Variants in ROBO2 observed in about 807,000 individuals in gnomAD.
ROBO2 encodes roundabout homolog 2.
Under a neutral mutation model 160.8 loss-of-function variants are expected in ROBO2, and 53 were observed. The ratio of observed to expected loss-of-function variants is 0.33; its 90% CI spans 0.26 to 0.41. ROBO2 has a LOEUF of 0.41. Among genes scored for constraint, ROBO2 ranks in the 10% least tolerant of loss-of-function variants. The pLI, the probability that ROBO2 is intolerant of heterozygous loss-of-function variation, is 1.00. For missense variants in ROBO2, 1,577 were observed against 1,722.4 expected (o/e 0.92, Z 1.49); for synonymous variants, 664 against 611.7 (o/e 1.09, Z -1.26).
chr3:76,636,114 T>A (rs1036001565), intron 2 of ROBO2, among the ~76,000 whole-genome samples: 4 of 152,236 alleles, frequency 2.6e-5, no homozygotes, highest in Non-Finnish European at 2.9e-5. Context: ...ATAATGATTA[T>A]ACATAATATT....
At chr3:77,190,271 G>A (rs1014628035) in intron 2 of ROBO2, among the ~76,000 whole-genome samples, 1 of 151,954 alleles carries the variant, frequency 6.6e-6, no homozygotes, top group Non-Finnish European at 1.5e-5. Flanking sequence ...AAAGTTACTA[G>A]AAAATTCTAG....
At chr3:76,707,067 C>CTG (rs1448730930) in intron 2 of ROBO2, among the ~76,000 whole-genome samples, 1 of 151,626 alleles carries the variant, frequency 6.6e-6, no homozygotes, top group Non-Finnish European at 1.5e-5. Context: ...TACATATTTT[C>CTG]TGTGTGTGTA....
chr3:76,125,971 C>T (rs374788806), intron 2 of ROBO2, among the ~76,000 whole-genome samples: 95 of 152,102 alleles, frequency 6.2e-4, no homozygotes, highest in African/African-American at 2.2e-3. Flanking sequence ...GGATGACAGG[C>T]GCGTGCCACC....
intron 2 of ROBO2, among the ~76,000 whole-genome samples, chr3:76,113,540 A>G (rs2070332863): frequency 6.6e-6 from 1 of 152,078 alleles, no homozygotes. Context: ...ATGTCATACA[A>G]TCGAACTTAA....
intron 2 of ROBO2, among the ~76,000 whole-genome samples, chr3:76,161,313 A>T (rs2072626586): frequency 6.6e-6 from 1 of 152,130 alleles, no homozygotes; most frequent in Non-Finnish European, 1.5e-5. Flanking sequence ...AATGTCCTTA[A>T]TGTGTTTATT....
chr3:77,002,915 T>C (rs2061401640), intron 2 of ROBO2, among the ~76,000 whole-genome samples: 1 of 152,272 alleles, frequency 6.6e-6, no homozygotes, highest in East Asian at 1.9e-4. Flanking sequence ...CATCAAAGCA[T>C]TCTGATGACT....
At chr3:76,373,524 G>A (rs987477594) in intron 2 of ROBO2, among the ~76,000 whole-genome samples, 4 of 151,892 alleles carry the variant, frequency 2.6e-5, no homozygotes, top group Admixed American at 6.6e-5. Context: ...ATCATAGTAC[G>A]TATTGTATTG....
At chr3:77,294,883 T>A (rs535297045) in intron 2 of ROBO2, among the ~76,000 whole-genome samples, 1 of 148,698 alleles carries the variant, frequency 6.7e-6, no homozygotes, top group African/African-American at 2.5e-5. Flanking sequence ...TAAAGTAAAA[T>A]TGACAGTTAA....
chr3:76,879,397 TATC>T (rs1424791589), intron 2 of ROBO2, among the ~76,000 whole-genome samples: 1 of 152,046 alleles, frequency 6.6e-6, no homozygotes, highest in Non-Finnish European at 1.5e-5. Flanking sequence ...GTCCATGAAA[TATC>T]ATTTTGCTTA....
intron 2 of ROBO2, among the ~76,000 whole-genome samples, chr3:76,013,682 G>A (rs960012108): frequency 6.6e-6 from 1 of 151,646 alleles, no homozygotes; most frequent in African/African-American, 2.4e-5. Context: ...ATGTATAAAG[G>A]CAATTGGCGG....
At chr3:77,232,398 G>A (rs141969358) in intron 2 of ROBO2, among the ~76,000 whole-genome samples, 271 of 152,154 alleles carry the variant, frequency 1.8e-3, no homozygotes, top group African/African-American at 6.0e-3. Flanking sequence ...GAAACTAGTG[G>A]AAGAAAACAG....
intron 2 of ROBO2, among the ~76,000 whole-genome samples, chr3:76,944,804 A>G (rs914087440): frequency 3.9e-5 from 6 of 152,166 alleles, no homozygotes; most frequent in Admixed American, 2.6e-4. Context: ...GTAAGGTAAG[A>G]TGGACAGATT....
intron 2 of ROBO2, among the ~76,000 whole-genome samples, chr3:77,221,854 C>CTTTTTTTTTTTTTTTTTTT (rs5850317): frequency 7.1e-6 from 1 of 140,284 alleles, no homozygotes; most frequent in African/African-American, 2.7e-5. Context: ...TTTTCTTTTT[C>CTTTTTTTTTTTTTTTTTTT]TTTTTTTTTT....
chr3:77,076,616 C>A (rs2068035600), intron 1 of ROBO2, among the ~76,000 whole-genome samples: 1 of 151,992 alleles, frequency 6.6e-6, no homozygotes, highest in Admixed American at 6.6e-5. Context: ...GGAATCTTTA[C>A]AAATGATTGC....
At chr3:77,321,968 G>C (rs2064756254) in intron 2 of ROBO2, among the ~76,000 whole-genome samples, 3 of 152,248 alleles carry the variant, frequency 2.0e-5, no homozygotes, top group South Asian at 4.1e-4. Flanking sequence ...ATAGCACCAT[G>C]GGAAGTGGTT....
chr3:77,646,349 C>A, exon 26 of ROBO2: 1 of 305,752 alleles, frequency 3.3e-6, no homozygotes, highest in Non-Finnish European at 6.0e-6. Context: ...TTCTTTTGTG[C>A]ATTGCTATGC....
chr3:76,296,952 C>T (rs1709106441), intron 2 of ROBO2, among the ~76,000 whole-genome samples: 1 of 152,070 alleles, frequency 6.6e-6, no homozygotes, highest in Non-Finnish European at 1.5e-5. Context: ...ACACAATAGC[C>T]ACATTATTTT....
chr3:76,968,809 T>C (rs1333901366), intron 2 of ROBO2, among the ~76,000 whole-genome samples: 1 of 152,212 alleles, frequency 6.6e-6, no homozygotes, highest in Non-Finnish European at 1.5e-5. Flanking sequence ...ACATTCTCTG[T>C]TGTTATGTAG....
At chr3:77,613,872 A>AATGT (rs2094706266) in intron 21 of ROBO2, among the ~76,000 whole-genome samples, 1 of 152,180 alleles carries the variant, frequency 6.6e-6, no homozygotes, top group East Asian at 1.9e-4. Flanking sequence ...TTTTCAAAGA[A>AATGT]ATGTACATCA....
Sources: gnomAD v4.1 joint callset for allele counts (sites outside exome capture counted in the v4.1 genomes callset) on GRCh38, gnomAD v4.1.1 for gene constraint, MANE v1.5 for transcripts, NCBI Gene and HGNC (gene_info 2026-07-23, HGNC 2026-07-21) for gene names.